CMC1: variants seen among roughly 807,000 people sequenced by gnomAD.
The protein encoded by CMC1 is COX assembly mitochondrial protein homolog.
CMC1 carries 14 observed loss-of-function variants against 14.1 expected under a neutral mutation model. The ratio of observed to expected loss-of-function variants is 0.99; its 90% CI spans 0.66 to 1.55. The LOEUF (loss-of-function observed/expected upper bound fraction) is 1.55. Ranked by LOEUF, CMC1 falls within the 40% of genes most tolerant of loss-of-function variation. The pLI is 0.00. For missense variants in CMC1, 127 were observed against 123.8 expected (o/e 1.03, Z -0.12); for synonymous variants, 50 against 38.4 (o/e 1.30, Z -1.12).
chr3:28,321,063 CCACT>C lies in CMC1; in HGVS notation c.*1437_*1440del, dbSNP rs1297251991. 2 of 151,250 alleles carry C rather than the reference CCACT, an allele frequency of 1.3e-5. No individual in the cohort carries two copies. The highest frequency in any genetic ancestry group is 4.8e-5 in the African/African-American group (2 of 41,302). 9.4% of individuals were successfully genotyped at this position (151,250 alleles called of 1,614,324 possible). A position where few individuals can be genotyped will look rare whatever the true frequency, so the allele number is the denominator to read the frequency against. Reference sequence around the variant, plus strand: ...GTTCCACACTTTACTCTTGAGTGAACCACTCAAAAAACTATTTTACTTTTATTTG... The same window carrying C: ...GTTCCACACTTTACTCTTGAGTGAACCAAAAAACTATTTTACTTTTATTTG... On this transcript the variant is annotated 3_prime_UTR_variant, in exon 4 of 4. Coordinates refer to ENST00000466830, the MANE Select transcript of CMC1 (RefSeq NM_182523.2).
At position 28,323,652 on chromosome 3, in the gene CMC1, A is replaced by G. The variant is rs1336071137; in HGVS notation, c.*4023A>G. Reference sequence around the variant, plus strand: ...TTTGTTCCATTATGCAATTTGAAGAAACATGTTTTCCTTTTATTTTTATGA... The same window carrying G: ...TTTGTTCCATTATGCAATTTGAAGAGACATGTTTTCCTTTTATTTTTATGA... On this transcript the variant is annotated 3_prime_UTR_variant, in exon 4 of 4. Transcript: ENST00000466830. 2 of 157,368 alleles carry G rather than the reference A, an allele frequency of 1.3e-5. No homozygotes were observed. Among genetic ancestry groups the G allele is most frequent in the African/African-American group, 4.8e-5 (2 of 41,518 alleles). 9.7% of individuals were successfully genotyped at this position (157,368 alleles called of 1,614,324 possible).
Position 28,300,013 on chromosome 3 carries a change from C to T in CMC1, c.110-16320C>T, listed in dbSNP as rs17021341. Among the ~76,000 whole-genome samples, 1,156 of 152,226 alleles carry T rather than the reference C, an allele frequency of 7.6e-3. 15 individuals are homozygous for T. Among genetic ancestry groups the T allele is most frequent in the African/African-American group, 0.026 (1,068 of 41,540 alleles). On this transcript the variant is annotated intron_variant, in intron 2 of 3. Transcript: ENST00000466830. ...AAACTGCAGCTAGAACTGAAAGCATCGATTTGCCTTGTTAACTATGGATAC... is the reference window on the plus strand; with the variant it reads ...AAACTGCAGCTAGAACTGAAAGCATTGATTTGCCTTGTTAACTATGGATAC...
intron 2 of CMC1, among the ~76,000 whole-genome samples, chr3:28,286,705 T>C (rs1390627312): frequency 6.6e-6 from 1 of 152,182 alleles, no homozygotes; most frequent in East Asian, 1.9e-4. Context: ...TTCCAAGATA[T>C]AAGGAAGTAG....
intron 1 of CMC1, among the ~76,000 whole-genome samples, chr3:28,259,560 C>G (rs755469183): frequency 3.9e-5 from 6 of 152,146 alleles, no homozygotes; most frequent in Non-Finnish European, 8.8e-5. Flanking sequence ...AATTTCACCA[C>G]TTTTTACATG....
At chr3:28,301,094 AG>A (rs1702022341) in intron 2 of CMC1, among the ~76,000 whole-genome samples, 1 of 152,076 alleles carries the variant, frequency 6.6e-6, no homozygotes, top group Non-Finnish European at 1.5e-5. Flanking sequence ...TTACTGTGAT[AG>A]ATTTGATGAC....
intron 2 of CMC1, among the ~76,000 whole-genome samples, chr3:28,296,904 A>C (rs1008026410): frequency 6.6e-6 from 1 of 152,082 alleles, no homozygotes; most frequent in African/African-American, 2.4e-5. Flanking sequence ...AAATATGGGA[A>C]TACCTCCTTG....
intron 1 of CMC1, among the ~76,000 whole-genome samples, chr3:28,254,370 G>A (rs1166186315): frequency 6.6e-6 from 1 of 152,050 alleles, no homozygotes; most frequent in East Asian, 1.9e-4. Flanking sequence ...ATGCTATCAA[G>A]TGGGAAAATC....
chr3:28,289,674 A>G (rs552542423), intron 2 of CMC1, among the ~76,000 whole-genome samples: 71 of 152,246 alleles, frequency 4.7e-4, no homozygotes, highest in African/African-American at 1.5e-3. Flanking sequence ...CTTTCTAACA[A>G]TATGTGAGAC....
intron 1 of CMC1, among the ~76,000 whole-genome samples, chr3:28,242,195 A>C (rs1219669360): frequency 6.6e-6 from 1 of 152,146 alleles, no homozygotes; most frequent in African/African-American, 2.4e-5. Flanking sequence ...TCTGTTTGGG[A>C]GTTCATGGAC....
chr3:28,313,001 C>T lies in CMC1; in HGVS notation c.110-3332C>T, dbSNP rs1193646032. Among the ~76,000 whole-genome samples the T allele has an allele frequency of 3.3e-5, 5 of 152,126 alleles. No homozygotes were observed. In the South Asian group the frequency reaches 6.2e-4, roughly 19 times the overall value. Reference sequence around the variant, plus strand: ...CTTCTCAAGTAGCTGGGATTACAGGCGCCTGCCACCATGCCCAGCTGATTT... The same window carrying T: ...CTTCTCAAGTAGCTGGGATTACAGGTGCCTGCCACCATGCCCAGCTGATTT... On this transcript the variant is annotated intron_variant, in intron 2 of 3. Coordinates refer to ENST00000466830, the MANE Select transcript of CMC1 (RefSeq NM_182523.2).
chr3:28,249,008 T>A (rs1698989549), intron 1 of CMC1, among the ~76,000 whole-genome samples: 1 of 152,180 alleles, frequency 6.6e-6, no homozygotes, highest in African/African-American at 2.4e-5. Flanking sequence ...GCCAGGATGG[T>A]CTCGATCTCC....
chr3:28,243,717 C>T (rs984675482), intron 1 of CMC1, among the ~76,000 whole-genome samples: 7 of 152,142 alleles, frequency 4.6e-5, no homozygotes, highest in Admixed American at 2.6e-4. Context: ...GTTCTGGACC[C>T]TAGGGAACAG....
In CMC1 at chr3:28,323,787, C is replaced by T; in HGVS notation, c.*4158C>T. On this transcript the variant is annotated 3_prime_UTR_variant, in exon 4 of 4. Transcript: ENST00000466830. ...AATATAGAAGGCAGAGTTTTTTAAA[C>T]ACCTTAAGTTTACTTATTAATTAGT... The T allele has an allele frequency of 3.5e-6, 1 of 286,960 alleles. No individual in the cohort carries two copies. The highest frequency in any genetic ancestry group is 6.4e-6 in the Non-Finnish European group (1 of 156,964). The allele number at this position is 286,960 out of a possible 1,614,324, so 17.8% of individuals were successfully genotyped here.
chr3:28,255,285 G>A (rs1486378846), intron 1 of CMC1, among the ~76,000 whole-genome samples: 2 of 147,118 alleles, frequency 1.4e-5, no homozygotes, highest in African/African-American at 5.0e-5. Flanking sequence ...CTGTCTCCTA[G>A]GCTGGAGTGC....
rs149214852 is a variant in CMC1, at chr3:28,263,134, A to G, written c.20-157A>G. 5.6e-3 allele frequency: 3,214 copies of G among 571,938 alleles called. 9 individuals carry two copies. Among genetic ancestry groups the G allele is most frequent in the Non-Finnish European group, 8.0e-3 (2,582 of 323,732 alleles). The allele number at this position is 571,938 out of a possible 1,614,324, so 35.4% of individuals were successfully genotyped here. A position where few individuals can be genotyped will look rare whatever the true frequency, so the allele number is the denominator to read the frequency against. ...TATATAAAAAAACATTGCAAATAGGATGAGTTTTAATGACTAAAATAATCA... is the reference window on the plus strand; with the variant it reads ...TATATAAAAAAACATTGCAAATAGGGTGAGTTTTAATGACTAAAATAATCA... On this transcript the variant is annotated intron_variant, in intron 1 of 3. Transcript: ENST00000466830.
chr3:28,287,483 T>C (rs1232825451), intron 2 of CMC1, among the ~76,000 whole-genome samples: 1 of 152,154 alleles, frequency 6.6e-6, no homozygotes, highest in Non-Finnish European at 1.5e-5. Context: ...TTTTTCCTAT[T>C]ATTGAAAATG....
At chr3:28,243,812 A>G (rs532399050) in intron 1 of CMC1, among the ~76,000 whole-genome samples, 33 of 152,314 alleles carry the variant, frequency 2.2e-4, no homozygotes, top group African/African-American at 7.7e-4. Flanking sequence ...TTTTCCCCCT[A>G]CACAGACACG....
chr3:28,273,044 A>G (rs1454927081), intron 2 of CMC1, among the ~76,000 whole-genome samples: 37 of 152,204 alleles, frequency 2.4e-4, no homozygotes, highest in Admixed American at 2.4e-3. Flanking sequence ...GCCTCATAAA[A>G]TGAGTTAGGA....
chr3:28,243,620 A>G (rs748980695), intron 1 of CMC1, among the ~76,000 whole-genome samples: 1 of 152,172 alleles, frequency 6.6e-6, no homozygotes, highest in African/African-American at 2.4e-5. Context: ...AGGTAATTTC[A>G]TTTCCAGTCC....
Sources: gnomAD v4.1 joint callset for allele counts (sites outside exome capture counted in the v4.1 genomes callset) on GRCh38, gnomAD v4.1.1 for gene constraint, MANE v1.5 for transcripts, NCBI Gene and HGNC (gene_info 2026-07-23, HGNC 2026-07-21) for gene names.